Variants in TMEM65 observed in about 807,000 individuals in gnomAD.
TMEM65 encodes the protein transmembrane protein 65.
Under a neutral mutation model 25.4 loss-of-function variants are expected in TMEM65, and 22 were observed. That is an observed-to-expected ratio of 0.86 (90% confidence interval 0.62 to 1.23). The LOEUF (loss-of-function observed/expected upper bound fraction) is 1.23, where lower values mean the gene tolerates loss of function less well. TMEM65 is among the 50% of genes most tolerant of loss of function. TMEM65 has a pLI of 0.00. For synonymous variants in TMEM65, 132 were observed against 126.2 expected (o/e 1.05, Z -0.31); for missense variants, 262 against 308.2 (o/e 0.85, Z 1.12).
rs1033219498 is a variant in TMEM65, at chr8:124,312,228, C to T, written c.*1732G>A. 6.6e-6 allele frequency: 1 copy of T among 151,386 alleles called. No individual in the cohort carries two copies. Among genetic ancestry groups the T allele is most frequent in the Non-Finnish European group, 1.5e-5 (1 of 67,748 alleles). 9.4% of individuals were successfully genotyped at this position (151,386 alleles called of 1,614,324 possible). A position where few individuals can be genotyped will look rare whatever the true frequency, so the allele number is the denominator to read the frequency against. On this transcript the variant is annotated 3_prime_UTR_variant, in exon 7 of 7. Transcript: ENST00000297632. ...TGGTTATTATATGGAAGATACAAAC[C>T]GAAATTCTATTTAAGATCTCAAGTT...
chr8:124,371,051 T>G (rs1472592914), intron 1 of TMEM65, among the ~76,000 whole-genome samples: 1 of 152,256 alleles, frequency 6.6e-6, no homozygotes, highest in African/African-American at 2.4e-5. Flanking sequence ...TACCCCATTC[T>G]GGACTCCTTT....
At position 124,333,857 on chromosome 8, in the gene TMEM65, C is replaced by T. The variant is rs538223959; in HGVS notation, c.305-3065G>A. ...AGCAACTAAAGCTCTGATGAAAATT[C>T]CTCAGTCTCTGTCTGAAGAACCAGA... On this transcript the variant is annotated intron_variant, in intron 1 of 6. Transcript: ENST00000297632. Among the ~76,000 whole-genome samples, 4 of 152,230 alleles carry T rather than the reference C, an allele frequency of 2.6e-5. No individual in the cohort carries two copies. The South Asian group carries it at 8.3e-4, about 32-fold the overall frequency.
chr8:124,342,536 C>T (rs1186144962), intron 1 of TMEM65, among the ~76,000 whole-genome samples: 1 of 152,054 alleles, frequency 6.6e-6, no homozygotes, highest in Admixed American at 6.6e-5. Context: ...TCTATGATAA[C>T]CTATATAATA....
intron 5 of TMEM65, 44 bp downstream of exon 5, chr8:124,322,061 A>T: frequency 2.2e-6 from 3 of 1,393,322 alleles, no homozygotes; most frequent in Middle Eastern, 3.6e-4. Context: ...GAACAGAAAG[A>T]CAGCAAGTAC....
intron 1 of TMEM65, 29 bp downstream of exon 1, chr8:124,371,825 C>G: frequency 1.3e-6 from 2 of 1,494,452 alleles, no homozygotes; most frequent in South Asian, 1.2e-5. Flanking sequence ...TCGGGGCCCC[C>G]GGGCTCGCCC....
intron 1 of TMEM65, among the ~76,000 whole-genome samples, chr8:124,335,998 T>C (rs761185250): frequency 6.6e-6 from 1 of 152,006 alleles, no homozygotes; most frequent in Non-Finnish European, 1.5e-5. Context: ...GATTACAGTT[T>C]AATAGGTTGA....
At chr8:124,351,583 A>G (rs1371462047) in intron 1 of TMEM65, among the ~76,000 whole-genome samples, 1 of 152,162 alleles carries the variant, frequency 6.6e-6, no homozygotes, top group Non-Finnish European at 1.5e-5. Flanking sequence ...TACCTTGATA[A>G]ATTGTCACAC....
chr8:124,358,603 A>G (rs898411878), intron 1 of TMEM65, among the ~76,000 whole-genome samples: 12 of 152,294 alleles, frequency 7.9e-5, no homozygotes, highest in African/African-American at 2.9e-4. Context: ...ATTTTCCATA[A>G]GTCACTTTCC....
intron 1 of TMEM65, among the ~76,000 whole-genome samples, chr8:124,368,763 C>A (rs533826132): frequency 6.6e-6 from 1 of 152,250 alleles, no homozygotes; most frequent in South Asian, 2.1e-4. Context: ...TGATGCCACC[C>A]CAGCTGAGAG....
At chr8:124,370,912 T>C (rs1192715281) in intron 1 of TMEM65, among the ~76,000 whole-genome samples, 2 of 152,220 alleles carry the variant, frequency 1.3e-5, no homozygotes, top group Non-Finnish European at 2.9e-5. Flanking sequence ...ACTGAAGCAA[T>C]GTGTTTTGTT....
At chr8:124,326,909 C>A (rs1814372031) in intron 3 of TMEM65, among the ~76,000 whole-genome samples, 1 of 151,966 alleles carries the variant, frequency 6.6e-6, no homozygotes, top group Admixed American at 6.6e-5. Context: ...AAACTTTAAA[C>A]AATGGCTAGA....
chr8:124,371,785 T>A, intron 1 of TMEM65, 69 bp downstream of exon 1: 1 of 1,428,520 alleles, frequency 7.0e-7, no homozygotes, highest in Non-Finnish European at 9.2e-7. Context: ...CGCAGCGGGC[T>A]CCCGGTGGGC....
chr8:124,367,269 T>C (rs1814950847), intron 1 of TMEM65, among the ~76,000 whole-genome samples: 1 of 151,604 alleles, frequency 6.6e-6, no homozygotes, highest in East Asian at 1.9e-4. Context: ...AGGTCAGGAG[T>C]TCGAGATGAA....
rs16899537 is a variant in TMEM65 at position 124,315,249 on chromosome 8, T to C, written c.622-1188A>G. 8.7e-3 allele frequency among the ~76,000 whole-genome samples: 1,325 copies of C among 152,250 alleles called. 17 individuals are homozygous for C. The highest frequency in any genetic ancestry group is 0.029 in the African/African-American group (1,198 of 41,542). On this transcript the variant is annotated intron_variant, in intron 6 of 6. Coordinates refer to ENST00000297632, the MANE Select transcript of TMEM65 (RefSeq NM_194291.3). ...CATTACAGTTACTATGATAGCTACA[T>C]AATCTTTAGTCTTGAATGAAATGTT...
chr8:124,344,151 A>T (rs546544804), intron 1 of TMEM65, among the ~76,000 whole-genome samples: 1 of 152,196 alleles, frequency 6.6e-6, no homozygotes. Flanking sequence ...GATCAACCAC[A>T]TATGTGGGTA....
intron 1 of TMEM65, among the ~76,000 whole-genome samples, chr8:124,334,506 C>T (rs564607244): frequency 1.1e-4 from 17 of 152,010 alleles, no homozygotes; most frequent in Non-Finnish European, 1.9e-4. Context: ...TGGCTCACAC[C>T]TGTAATCCCA....
chr8:124,346,344 A>T (rs547084076), intron 1 of TMEM65, among the ~76,000 whole-genome samples: 1 of 152,282 alleles, frequency 6.6e-6, no homozygotes, highest in African/African-American at 2.4e-5. Context: ...ACAGAGTGAA[A>T]CTATAGCACA....
chr8:124,365,619 T>G (rs1814927798), intron 1 of TMEM65, among the ~76,000 whole-genome samples: 1 of 152,192 alleles, frequency 6.6e-6, no homozygotes, highest in African/African-American at 2.4e-5. Flanking sequence ...AATTAAGGAT[T>G]TTGAGAGAGT....
chr8:124,363,511 T>TC (rs1374289276), intron 1 of TMEM65, among the ~76,000 whole-genome samples: 6 of 152,136 alleles, frequency 3.9e-5, no homozygotes, highest in African/African-American at 1.4e-4. Context: ...AGCAGCCTGT[T>TC]CATTAATCCC....
Sources: allele counts gnomAD v4.1 joint callset (sites outside exome capture counted in the v4.1 genomes callset), GRCh38; gene constraint gnomAD v4.1.1; transcripts MANE v1.5; gene names NCBI Gene and HGNC (gene_info 2026-07-23, HGNC 2026-07-21).